Variants in SEMA3A observed in about 807,000 individuals in gnomAD.
SEMA3A encodes semaphorin-3A.
A neutral mutation model predicts 97.9 loss-of-function variants in SEMA3A; 29 were observed. The observed-to-expected ratio is 0.30, with a 90% CI of 0.22 to 0.40. SEMA3A has a LOEUF of 0.40. SEMA3A is among the 10% of genes least tolerant of loss of function. The pLI, the probability that SEMA3A is intolerant of heterozygous loss-of-function variation, is 1.00. For synonymous variants in SEMA3A, 321 were observed against 323.7 expected (o/e 0.99, Z 0.09); for missense variants, 763 against 951.3 (o/e 0.80, Z 2.60).
At chr7:84,477,591 G>C (rs2116425481) in intron 1 of SEMA3A, among the ~76,000 whole-genome samples, 1 of 152,108 alleles carries the variant, frequency 6.6e-6, no homozygotes, top group South Asian at 2.1e-4. Flanking sequence ...CAGATTCTCA[G>C]CTAAATTTGC....
At chr7:84,021,102 A>G (rs1328994144) in intron 6 of SEMA3A, among the ~76,000 whole-genome samples, 1 of 152,222 alleles carries the variant, frequency 6.6e-6, no homozygotes, top group Non-Finnish European at 1.5e-5. Flanking sequence ...ACGATAGGGA[A>G]ATGGGAAACC....
At chr7:84,377,917 T>C (rs1044565803) in intron 1 of SEMA3A, among the ~76,000 whole-genome samples, 1 of 152,130 alleles carries the variant, frequency 6.6e-6, no homozygotes, top group Admixed American at 6.6e-5. Flanking sequence ...TTACTGCTGA[T>C]CAAAATCTAT....
Position 83,996,592 on chromosome 7 carries a change from C to T in SEMA3A, c.1452+5363G>A, listed in dbSNP as rs531263103. On this transcript the variant is annotated intron_variant, in intron 12 of 16. Coordinates refer to ENST00000265362, the MANE Select transcript of SEMA3A (RefSeq NM_006080.3). ...CTGGGATTAGAGGTGTGAGCCACCA[C>T]GCCCAGCCTTTACTAGTAATCTTAA... 5.3e-5 allele frequency among the ~76,000 whole-genome samples: 8 copies of T among 152,096 alleles called. No individual in the cohort carries two copies. In the East Asian group the frequency reaches 5.8e-4, roughly 11 times the overall value.
intron 1 of SEMA3A, among the ~76,000 whole-genome samples, chr7:84,451,088 A>G (rs1389186198): frequency 6.6e-6 from 1 of 152,154 alleles, no homozygotes; most frequent in East Asian, 1.9e-4. Context: ...GCCCATACCC[A>G]TGTCATAAAA....
At chr7:84,052,548 G>A (rs552812291) in intron 5 of SEMA3A, among the ~76,000 whole-genome samples, 32 of 151,986 alleles carry the variant, frequency 2.1e-4, no homozygotes, top group East Asian at 3.9e-4. Flanking sequence ...ATGTGGGATC[G>A]GTGGTGATAT....
intron 1 of SEMA3A, among the ~76,000 whole-genome samples, chr7:84,141,752 A>G (rs2116074866): frequency 6.6e-6 from 1 of 152,052 alleles, no homozygotes; most frequent in East Asian, 1.9e-4. Flanking sequence ...TGTTCTCATC[A>G]TTTAGCTCGC....
intron 3 of SEMA3A, among the ~76,000 whole-genome samples, chr7:84,119,524 A>C (rs7787696): frequency 0.079 from 11,982 of 152,252 alleles, 832 homozygotes; most frequent in African/African-American, 0.19. Context: ...GATGATTTTT[A>C]GTGTTATTGC....
chr7:84,219,890 A>C (rs1562858436), intron 3 of SEMA3A, among the ~76,000 whole-genome samples: 1 of 152,092 alleles, frequency 6.6e-6, no homozygotes, highest in African/African-American at 2.4e-5. Flanking sequence ...GTCTTGACTT[A>C]ATGTTGACGG....
At chr7:83,995,021 C>G (rs1018801232) in intron 12 of SEMA3A, among the ~76,000 whole-genome samples, 1 of 152,006 alleles carries the variant, frequency 6.6e-6, no homozygotes, top group Non-Finnish European at 1.5e-5. Context: ...TCTCTTGGTG[C>G]GCCGTTTTTT....
At chr7:84,160,745 TGGC>T in intron 1 of SEMA3A, among the ~76,000 whole-genome samples, 1 of 151,372 alleles carries the variant, frequency 6.6e-6, no homozygotes. Flanking sequence ...TTGGGGGTGG[TGGC>T]ATGTGCCTGT....
At chr7:84,383,438 C>T (rs973374058) in intron 1 of SEMA3A, among the ~76,000 whole-genome samples, 1 of 152,120 alleles carries the variant, frequency 6.6e-6, no homozygotes, top group Non-Finnish European at 1.5e-5. Context: ...TTCTAGTTTA[C>T]TTGCAACAGG....
intron 1 of SEMA3A, among the ~76,000 whole-genome samples, chr7:84,396,594 C>T (rs1050610783): frequency 3.3e-5 from 5 of 151,628 alleles, no homozygotes; most frequent in Non-Finnish European, 7.4e-5. Flanking sequence ...TTTCAATAAC[C>T]AAGTTGAAAG....
chr7:84,181,476 T>G (rs1297136212), intron 1 of SEMA3A, among the ~76,000 whole-genome samples: 2 of 151,892 alleles, frequency 1.3e-5, no homozygotes, highest in Non-Finnish European at 2.9e-5. Context: ...GCAAAAGTAG[T>G]TTTTCAGAGA....
At chr7:84,066,155 G>A (rs1467198104) in intron 4 of SEMA3A, among the ~76,000 whole-genome samples, 1 of 151,644 alleles carries the variant, frequency 6.6e-6, no homozygotes, top group Non-Finnish European at 1.5e-5. Flanking sequence ...TATAAACAGA[G>A]CCAAAGACAA....
chr7:84,137,186 G>A (rs1381833333), intron 1 of SEMA3A, among the ~76,000 whole-genome samples: 1 of 151,962 alleles, frequency 6.6e-6, no homozygotes, highest in Non-Finnish European at 1.5e-5. Flanking sequence ...GGATCACGAG[G>A]TCAGGAGTTC....
At chr7:84,428,437 A>C (rs1215212870) in intron 1 of SEMA3A, among the ~76,000 whole-genome samples, 4 of 152,102 alleles carry the variant, frequency 2.6e-5, no homozygotes, top group Admixed American at 2.6e-4. Context: ...CATGATTTCA[A>C]ACATAACAGC....
At chr7:84,221,640 C>T (rs1047140999) in intron 3 of SEMA3A, among the ~76,000 whole-genome samples, 4 of 151,916 alleles carry the variant, frequency 2.6e-5, no homozygotes, top group African/African-American at 9.7e-5. Context: ...ATTAGGAAGA[C>T]CCTAGGAGAG....
At chr7:84,060,672 AT>A in intron 4 of SEMA3A, 114 bp from the exon 5 acceptor site, 1 of 631,742 alleles carries the variant, frequency 1.6e-6, no homozygotes, top group Non-Finnish European at 2.5e-6. Flanking sequence ...CACAAGAGTT[AT>A]TTTTATTTGT....
At chr7:84,121,556 CT>C in intron 3 of SEMA3A, among the ~76,000 whole-genome samples, 1 of 147,584 alleles carries the variant, frequency 6.8e-6, no homozygotes, top group Non-Finnish European at 1.5e-5. Context: ...CTTTTTTTGG[CT>C]GCATAGTATT....
Sources: gnomAD v4.1 joint callset for allele counts (sites outside exome capture counted in the v4.1 genomes callset) on GRCh38, gnomAD v4.1.1 for gene constraint, MANE v1.5 for transcripts, NCBI Gene and HGNC (gene_info 2026-07-23, HGNC 2026-07-21) for gene names.